GALNT10: variants seen among roughly 807,000 people sequenced by gnomAD.
GALNT10 encodes polypeptide N-acetylgalactosaminyltransferase 10, also known as GalNAc transferase 10.
GALNT10 carries 41 observed loss-of-function variants against 75.0 expected under a neutral mutation model. The observed-to-expected ratio is 0.55, with a 90% CI of 0.43 to 0.71. The LOEUF (loss-of-function observed/expected upper bound fraction) is 0.71. Ranked by LOEUF, GALNT10 falls within the 30% of genes least tolerant of loss-of-function variation. GALNT10 has a pLI of 0.00. For missense variants in GALNT10, 727 were observed against 818.5 expected (o/e 0.89, Z 1.36); for synonymous variants, 302 against 313.0 (o/e 0.96, Z 0.37).
intron 1 of GALNT10, among the ~76,000 whole-genome samples, chr5:154,201,639 T>A (rs1775029802): frequency 6.6e-6 from 1 of 152,128 alleles, no homozygotes; most frequent in Admixed American, 6.5e-5. Context: ...TTAGAAATGA[T>A]GTAGGTACAG....
chr5:154,407,615 G>C (rs1306316223), intron 8 of GALNT10, among the ~76,000 whole-genome samples: 1 of 152,124 alleles, frequency 6.6e-6, no homozygotes. Flanking sequence ...GACTCGAGCA[G>C]GTTAGACAGT....
chr5:154,227,222 G>C (rs1753076879), intron 1 of GALNT10, among the ~76,000 whole-genome samples: 1 of 152,184 alleles, frequency 6.6e-6, no homozygotes, highest in Non-Finnish European at 1.5e-5. Flanking sequence ...AGAATGGCTG[G>C]ATTATGTGTA....
At chr5:154,228,716 A>G (rs1407263673) in intron 1 of GALNT10, among the ~76,000 whole-genome samples, 2 of 152,216 alleles carry the variant, frequency 1.3e-5, no homozygotes, top group Non-Finnish European at 2.9e-5. Context: ...GGTGGTATAG[A>G]GTGAACTGCC....
At chr5:154,300,765 A>G (rs1475315286) in intron 3 of GALNT10, among the ~76,000 whole-genome samples, 3 of 152,216 alleles carry the variant, frequency 2.0e-5, no homozygotes, top group South Asian at 2.1e-4. Flanking sequence ...GCATTACACC[A>G]TAGTTGAGAA....
intron 1 of GALNT10, among the ~76,000 whole-genome samples, chr5:154,275,107 C>T (rs12523441): frequency 0.36 from 55,401 of 152,166 alleles, 12,098 homozygotes; most frequent in East Asian, 0.76. Context: ...GTCTATAAAA[C>T]GAATGAGTTG....
At chr5:154,252,316 A>G (rs917347617) in intron 1 of GALNT10, among the ~76,000 whole-genome samples, 2 of 152,124 alleles carry the variant, frequency 1.3e-5, no homozygotes, top group African/African-American at 2.4e-5. Flanking sequence ...TGTTTCTCCA[A>G]TCAGTTTGCT....
intron 7 of GALNT10, chr5:154,393,066 A>AAAAACAAC (rs746979740): frequency 7.5e-6 from 1 of 133,956 alleles, no homozygotes; most frequent in African/African-American, 2.8e-5. Context: ...ACAAAAAAAA[A>AAAAACAAC]AAAAAAAAAA....
Position 154,409,310 on chromosome 5 carries a change from G to A in GALNT10, c.1165-231G>A. Reference sequence around the variant, plus strand: ...GCTAGAAGAAGATGGGATGGAAGATGGGCAGGCAAAACAACAGCAGCCTAT... The same window carrying A: ...GCTAGAAGAAGATGGGATGGAAGATAGGCAGGCAAAACAACAGCAGCCTAT... On this transcript the variant is annotated intron_variant, in intron 8 of 11. Coordinates refer to ENST00000297107, the MANE Select transcript of GALNT10 (RefSeq NM_198321.4). The surrounding 1 kb of genome is among the most constrained non-coding windows in gnomAD (Gnocchi z 4.5). The A allele has an allele frequency of 1.7e-6, 1 of 571,784 alleles. No homozygotes were observed. 35.4% of individuals were successfully genotyped at this position (571,784 alleles called of 1,614,324 possible). A position where few individuals can be genotyped will look rare whatever the true frequency, so the allele number is the denominator to read the frequency against.
At chr5:154,334,173 A>G (rs1330882354) in intron 4 of GALNT10, among the ~76,000 whole-genome samples, 3 of 152,244 alleles carry the variant, frequency 2.0e-5, no homozygotes, top group Non-Finnish European at 2.9e-5. Flanking sequence ...AGGGCAACTA[A>G]TTGTAATTCA....
At chr5:154,366,865 T>C (rs1230935932) in intron 4 of GALNT10, among the ~76,000 whole-genome samples, 1 of 152,160 alleles carries the variant, frequency 6.6e-6, no homozygotes, top group African/African-American at 2.4e-5. Flanking sequence ...CTAGTAACAA[T>C]AGCAATAGTA....
rs1368967086 is a variant in GALNT10, at chr5:154,297,995, A to C, written c.317A>C (p.Gln106Pro). The C allele has an allele frequency of 6.2e-7, 1 of 1,612,918 alleles. No individual in the cohort carries two copies. The change falls in exon 3 of 12, where the codon CAG (glutamine) becomes CCG (proline). Residue 106 changes from glutamine to proline, a missense_variant. By Grantham distance (76) the Gln-to-Pro change is moderately conservative. Transcript: ENST00000297107. ...ATGACCGATGCTGAGAGAGTGGATC[A>C]GGCATACCGAGAAAATGGATTTAAC... ...YPMTDAERVDQAYRENGFNIY... is the reference protein window; with the variant it reads ...YPMTDAERVDPAYRENGFNIY...
At chr5:154,205,572 G>A (rs919893555) in intron 1 of GALNT10, among the ~76,000 whole-genome samples, 5 of 152,092 alleles carry the variant, frequency 3.3e-5, no homozygotes, top group Admixed American at 6.5e-5. Flanking sequence ...AAAAAGATAC[G>A]GCAAAGTCCT....
At chr5:154,230,393 A>T (rs917001267) in intron 1 of GALNT10, among the ~76,000 whole-genome samples, 29 of 152,224 alleles carry the variant, frequency 1.9e-4, no homozygotes, top group African/African-American at 7.0e-4. Flanking sequence ...TGTGGGCAGC[A>T]ACCACTGGGC....
chr5:154,391,558 A>G (rs1292730594), intron 7 of GALNT10, among the ~76,000 whole-genome samples: 1 of 152,232 alleles, frequency 6.6e-6, no homozygotes, highest in African/African-American at 2.4e-5. Context: ...TCCATAGCCT[A>G]GCTCCAGCTA....
In GALNT10 at chr5:154,418,703, G is replaced by C. The variant is rs1238974808; in HGVS notation, c.*1731G>C. 6.6e-6 allele frequency: 1 copy of C among 152,198 alleles called. No homozygotes were observed. Among genetic ancestry groups the C allele is most frequent in the East Asian group, 1.9e-4 (1 of 5,178 alleles). The allele number at this position is 152,198 out of a possible 1,614,324, so 9.4% of individuals were successfully genotyped here. ...CAATCATCCACCAGTCAGACTGAAT[G>C]TGTAGCTGGCGAGGAATTACTTCCA... On this transcript the variant is annotated 3_prime_UTR_variant, in exon 12 of 12. Transcript: ENST00000297107.
intron 3 of GALNT10, among the ~76,000 whole-genome samples, chr5:154,328,613 T>C (rs534859047): frequency 1.4e-4 from 21 of 152,284 alleles, no homozygotes; most frequent in African/African-American, 5.1e-4. Context: ...ACTACCTACC[T>C]GGAGTTAGAG....
At chr5:154,324,583 C>CT (rs1754726311) in intron 3 of GALNT10, among the ~76,000 whole-genome samples, 1 of 152,218 alleles carries the variant, frequency 6.6e-6, no homozygotes, top group Non-Finnish European at 1.5e-5. Context: ...AACCCAATAT[C>CT]TACCAGTTAT....
At chr5:154,346,600 G>C (rs1048461074) in intron 4 of GALNT10, among the ~76,000 whole-genome samples, 3 of 152,204 alleles carry the variant, frequency 2.0e-5, no homozygotes, top group African/African-American at 7.2e-5. Flanking sequence ...AATGTGCTGT[G>C]TCTGTAGCTA....
At chr5:154,349,334 C>A (rs1038240493) in intron 4 of GALNT10, 1 of 152,036 alleles carries the variant, frequency 6.6e-6, no homozygotes, top group African/African-American at 2.4e-5. Flanking sequence ...CAAGGAGACC[C>A]ATAATCTGAC....
Sources: allele counts gnomAD v4.1 joint callset (sites outside exome capture counted in the v4.1 genomes callset), GRCh38; gene constraint gnomAD v4.1.1; non-coding constraint Gnocchi (gnomAD v3.1); transcripts MANE v1.5; gene names NCBI Gene and HGNC (gene_info 2026-07-23, HGNC 2026-07-21).